The following RIPK2 variants were observed in gnomAD, a reference collection of about 807,000 sequenced individuals.
RIPK2 encodes the protein receptor-interacting serine/threonine-protein kinase 2.
A neutral mutation model predicts 60.9 loss-of-function variants in RIPK2; 38 were observed. That is an observed-to-expected ratio of 0.62 (90% CI 0.48 to 0.82). The LOEUF (loss-of-function observed/expected upper bound fraction) is 0.82. Among genes scored for constraint, RIPK2 ranks in the 40% least tolerant of loss-of-function variants. The pLI is 0.00. For synonymous variants in RIPK2, 225 were observed against 223.4 expected (o/e 1.01, Z -0.06); for missense variants, 518 against 647.0 (o/e 0.80, Z 2.16).
At chr8:89,776,792 C>T (rs1373139281) in intron 6 of RIPK2, among the ~76,000 whole-genome samples, 2 of 152,284 alleles carry the variant, frequency 1.3e-5, no homozygotes, top group Non-Finnish European at 2.9e-5. Flanking sequence ...GAGAAACCAG[C>T]GACCCCACTT....
chr8:89,768,531 C>T (rs529203269), intron 3 of RIPK2, among the ~76,000 whole-genome samples: 1 of 151,828 alleles, frequency 6.6e-6, no homozygotes, highest in African/African-American at 2.4e-5. Flanking sequence ...TTCAGTTTGT[C>T]TGGAATACTC....
Position 89,784,037 on chromosome 8 carries a change from G to A in RIPK2, c.940-13G>A, listed in dbSNP as rs754752716. On this transcript the variant is annotated splice_polypyrimidine_tract_variant and intron_variant, in intron 7 of 10. Transcript: ENST00000220751. Reference sequence around the variant, plus strand: ...CCAGTTAAAGTGTATATATATTTATGTATTCATTACAGTTACAGAGTGTTT... The same window carrying A: ...CCAGTTAAAGTGTATATATATTTATATATTCATTACAGTTACAGAGTGTTT... The A allele has an allele frequency of 6.0e-6, 8 of 1,335,604 alleles. No individual in the cohort carries two copies. The highest frequency in any genetic ancestry group is 6.2e-6 in the Non-Finnish European group (6 of 967,262). The allele number at this position is 1,335,604 out of a possible 1,614,324, so 82.7% of individuals were successfully genotyped here.
intron 6 of RIPK2, among the ~76,000 whole-genome samples, chr8:89,776,040 C>A (rs753441090): frequency 5.3e-5 from 8 of 152,156 alleles, no homozygotes; most frequent in Non-Finnish European, 1.2e-4. Context: ...CAGTTGATAG[C>A]TTTACCAGCC....
At chr8:89,762,697 G>A (rs1809164850) in intron 1 of RIPK2, 132 bp from the exon 2 acceptor site, 3 of 451,624 alleles carry the variant, frequency 6.6e-6, no homozygotes, top group Non-Finnish European at 1.2e-5. Context: ...TGAAACTAAG[G>A]TGCAGAGAAG....
chr8:89,758,183 C>G lies in RIPK2; in HGVS notation c.123C>G (p.Arg41=). Residue 41 remains arginine (R), a synonymous_variant, in exon 1 of 11, where the codon CGC becomes CGG. Coordinates refer to ENST00000220751, the MANE Select transcript of RIPK2 (RefSeq NM_003821.6). Reference sequence around the variant, plus strand: ...CGTCCGCCCGCCACGCAGACTGGCGCGTCCAGGTGGCCGTGAAGCACCTGC... The same window carrying G: ...CGTCCGCCCGCCACGCAGACTGGCGGGTCCAGGTGGCCGTGAAGCACCTGC... ...TVSSARHADW[R]VQVAVKHLHI... 1 of 1,610,402 alleles carries G rather than the reference C, an allele frequency of 6.2e-7. No individual in the cohort carries two copies.
At position 89,757,896 on chromosome 8, in the gene RIPK2, C is replaced by T. The variant is rs1809070348; in HGVS notation, c.-165C>T. On this transcript the variant is annotated 5_prime_UTR_variant, in exon 1 of 11. Transcript: ENST00000220751. ...TCGGAGAAGCAGCGGCTGGCGTGGGCCATCCGGGGAATGGGCGCCCTCGTG... is the reference window on the plus strand; with the variant it reads ...TCGGAGAAGCAGCGGCTGGCGTGGGTCATCCGGGGAATGGGCGCCCTCGTG... The T allele has an allele frequency of 1.4e-6, 2 of 1,381,712 alleles. No individual in the cohort carries two copies. Among genetic ancestry groups the T allele is most frequent in the Admixed American group, 6.5e-5 (2 of 30,714 alleles). The allele number at this position is 1,381,712 out of a possible 1,614,324, so 85.6% of individuals were successfully genotyped here.
At chr8:89,759,225 T>G (rs377079422) in intron 1 of RIPK2, 1 of 448,742 alleles carries the variant, frequency 2.2e-6, no homozygotes, top group Non-Finnish European at 4.5e-6. Flanking sequence ...TTAGCATTAG[T>G]TTCTGTTTTC....
chr8:89,785,375 T>C (rs1809569291), intron 8 of RIPK2, among the ~76,000 whole-genome samples: 1 of 151,998 alleles, frequency 6.6e-6, no homozygotes, highest in Non-Finnish European at 1.5e-5. Context: ...CTCGGGGGGT[T>C]GAGGCAGGAG....
intron 9 of RIPK2, among the ~76,000 whole-genome samples, chr8:89,788,215 C>T (rs1460511416): frequency 1.3e-5 from 2 of 151,580 alleles, no homozygotes; most frequent in Non-Finnish European, 1.5e-5. Flanking sequence ...TGGTGGTGCA[C>T]ACCTGTAATC....
Position 89,790,113 on chromosome 8 carries a change from C to A in RIPK2, c.1320C>A (p.Ile440=). The change falls in exon 11 of 11, where the codon ATC becomes ATA. Residue 440 remains isoleucine, a synonymous_variant. Coordinates refer to ENST00000220751, the MANE Select transcript of RIPK2 (RefSeq NM_003821.6). Reference sequence around the variant, plus strand: ...AGCCTGGTATAGCCCAGCAGTGGATCCAGAGCAAAAGGGAAGACATTGTGA... The same window carrying A: ...AGCCTGGTATAGCCCAGCAGTGGATACAGAGCAAAAGGGAAGACATTGTGA... ...RLQPGIAQQW[I]QSKREDIVNQ... The A allele has an allele frequency of 6.2e-7, 1 of 1,613,944 alleles. No individual in the cohort carries two copies. The highest frequency in any genetic ancestry group is 2.2e-5 in the East Asian group (1 of 44,882).
At position 89,772,368 on chromosome 8, in the gene RIPK2, G is replaced by A. The variant is rs1809328216; in HGVS notation, c.692-299G>A. Among the ~76,000 whole-genome samples the A allele has an allele frequency of 4.6e-5, 7 of 151,996 alleles. No individual in the cohort carries two copies. In the South Asian group the frequency reaches 1.4e-3, roughly 31 times the overall value. ...TCATTCACATTAAATATTGGTTGCT[G>A]TAGCCCTTCTTAGTTCTGCAAGGTT... On this transcript the variant is annotated intron_variant, in intron 5 of 10. Transcript: ENST00000220751.
At chr8:89,770,443 C>T (rs939381302) in intron 4 of RIPK2, among the ~76,000 whole-genome samples, 19 of 151,912 alleles carry the variant, frequency 1.3e-4, no homozygotes, top group African/African-American at 4.3e-4. Context: ...ATGCATATTA[C>T]TTATAATCTC....
intron 5 of RIPK2, among the ~76,000 whole-genome samples, chr8:89,772,028 A>AT (rs986504821): frequency 8.5e-5 from 13 of 152,154 alleles, no homozygotes; most frequent in Non-Finnish European, 1.8e-4. Context: ...AAAAACCCAG[A>AT]TTTTAATTCT....
At chr8:89,788,884 A>G (rs977461046) in intron 9 of RIPK2, among the ~76,000 whole-genome samples, 8 of 152,158 alleles carry the variant, frequency 5.3e-5, no homozygotes, top group East Asian at 1.9e-4. Context: ...CGAAAGTTCA[A>G]TGAAGACAGA....
At chr8:89,768,175 G>A (rs7844627) in intron 3 of RIPK2, among the ~76,000 whole-genome samples, 28,223 of 151,370 alleles carry the variant, frequency 0.19, 3,890 homozygotes, top group African/African-American at 0.39. Context: ...TTTTTGCCAC[G>A]TATCGTTGCT....
Position 89,769,879 on chromosome 8 carries a change from C to G in RIPK2, c.591C>G (p.Asn197Lys), listed in dbSNP as rs1809285992. ...CAATTATCTATATGCCACCTGAAAA[C>G]TATGAACCTGGACAAAAATCAAGGG... is the stretch of plus-strand genomic sequence containing the variant. ...GGTIIYMPPENYEPGQKSRAS... is the reference protein window; with the variant it reads ...GGTIIYMPPEKYEPGQKSRAS... The change falls in exon 4 of 11, where the codon AAC becomes AAG. Residue 197 changes from asparagine (N) to lysine (K), a missense_variant. Asn to Lys is a moderately conservative substitution (Grantham distance 94, BLOSUM62 0). This residue lies in a region of RIPK2 where 448 missense variants were observed against 534.7 expected (regional missense o/e 0.84). Coordinates refer to ENST00000220751, the MANE Select transcript of RIPK2 (RefSeq NM_003821.6). 1.2e-6 allele frequency: 2 copies of G among 1,608,502 alleles called. No individual in the cohort carries two copies. The highest frequency in any genetic ancestry group is 2.7e-5 in the African/African-American group (2 of 74,468).
chr8:89,781,804 T>C (rs1259228135), intron 7 of RIPK2, among the ~76,000 whole-genome samples: 2 of 152,128 alleles, frequency 1.3e-5, no homozygotes, highest in Admixed American at 1.3e-4. Flanking sequence ...TATATACCTA[T>C]GATAAGGTTT....
intron 2 of RIPK2, 66 bp downstream of exon 2, chr8:89,763,048 GATT>G: frequency 1.5e-5 from 16 of 1,064,936 alleles, no homozygotes; most frequent in South Asian, 3.3e-5. Flanking sequence ...ATTTTACTTT[GATT>G]TTATATTTGG....
At chr8:89,777,421 A>G (rs1403750471) in intron 6 of RIPK2, among the ~76,000 whole-genome samples, 2 of 152,236 alleles carry the variant, frequency 1.3e-5, no homozygotes, top group Non-Finnish European at 2.9e-5. Flanking sequence ...GCAACTTTTG[A>G]TTTGTAAATA....
Sources: gnomAD v4.1 joint callset for allele counts (sites outside exome capture counted in the v4.1 genomes callset) on GRCh38, gnomAD v4.1.1 for gene constraint, gnomAD v4.1.1 regional missense constraint, MANE v1.5 for transcripts, NCBI Gene and HGNC (gene_info 2026-07-23, HGNC 2026-07-21) for gene names.